The following SUGCT variants were observed in gnomAD, a reference collection of about 807,000 sequenced individuals.
SUGCT encodes succinyl-CoA:glutarate CoA-transferase.
In SUGCT, 41 loss-of-function variants were observed where a neutral mutation model predicts 55.0. The observed-to-expected ratio is 0.74, with a 90% CI of 0.58 to 0.97. The LOEUF is 0.97. SUGCT is among the 50% of genes least tolerant of loss of function. SUGCT has a pLI of 0.00. For synonymous variants in SUGCT, 187 were observed against 200.4 expected (o/e 0.93, Z 0.56); for missense variants, 568 against 547.8 (o/e 1.04, Z -0.37).
chr7:40,439,782 C>T (rs569862125), intron 9 of SUGCT, among the ~76,000 whole-genome samples: 17 of 152,312 alleles, frequency 1.1e-4, no homozygotes, highest in African/African-American at 3.6e-4. Context: ...GCTTTCAGTC[C>T]GTGCTCATCC....
intron 11 of SUGCT, among the ~76,000 whole-genome samples, chr7:40,472,816 G>A (rs1483118293): frequency 2.6e-5 from 4 of 152,082 alleles, no homozygotes; most frequent in Admixed American, 6.6e-5. Context: ...TTATGGAAAT[G>A]CCTTCTGTTA....
chr7:40,216,408 G>A (rs1333565150), intron 6 of SUGCT, among the ~76,000 whole-genome samples: 1 of 149,980 alleles, frequency 6.7e-6, no homozygotes, highest in Non-Finnish European at 1.5e-5. Flanking sequence ...GCTGAGGTGG[G>A]AGAATCCCTT....
chr7:40,578,562 C>T (rs934871149), intron 12 of SUGCT, among the ~76,000 whole-genome samples: 1 of 152,110 alleles, frequency 6.6e-6, no homozygotes, highest in Non-Finnish European at 1.5e-5. Context: ...CATTTTTCCT[C>T]TTCAGTGGTT....
chr7:40,162,745 T>A (rs1784239855), intron 1 of SUGCT, among the ~76,000 whole-genome samples: 1 of 152,216 alleles, frequency 6.6e-6, no homozygotes, highest in Non-Finnish European at 1.5e-5. Flanking sequence ...ACCTTGGCCT[T>A]CCAAATGTTG....
intron 1 of SUGCT, among the ~76,000 whole-genome samples, chr7:40,161,452 T>A (rs1012102377): frequency 6.6e-6 from 1 of 151,900 alleles, no homozygotes; most frequent in African/African-American, 2.4e-5. Flanking sequence ...CCCATGCATA[T>A]TTTTTTTGCT....
In SUGCT at chr7:40,659,276, G is replaced by A. The variant is rs183467665; in HGVS notation, c.1090-90158G>A. 1.3e-3 allele frequency among the ~76,000 whole-genome samples: 204 copies of A among 152,302 alleles called. 7 individuals are homozygous for A. The East Asian group carries it at 0.033, about 25-fold the overall frequency. ...GTTTCTCATGAGGTCACAGTTAGATGTCATGTGGAGGTGTAGTCATCTGAA... is the reference window on the plus strand; with the variant it reads ...GTTTCTCATGAGGTCACAGTTAGATATCATGTGGAGGTGTAGTCATCTGAA... On this transcript the variant is annotated intron_variant, in intron 12 of 13. Coordinates refer to ENST00000335693, the MANE Select transcript of SUGCT (RefSeq NM_001193313.2).
At chr7:40,492,264 GT>G (rs1369087828) in intron 11 of SUGCT, among the ~76,000 whole-genome samples, 1 of 152,090 alleles carries the variant, frequency 6.6e-6, no homozygotes, top group Non-Finnish European at 1.5e-5. Flanking sequence ...GGTTAGGAAT[GT>G]CTAGAAAACA....
At chr7:40,518,615 A>C (rs1793372481) in intron 12 of SUGCT, among the ~76,000 whole-genome samples, 1 of 152,118 alleles carries the variant, frequency 6.6e-6, no homozygotes, top group South Asian at 2.1e-4. Flanking sequence ...GTTGTATCCC[A>C]GATGTCAGGA....
At chr7:40,342,138 C>T (rs1461148921) in intron 9 of SUGCT, among the ~76,000 whole-genome samples, 1 of 152,168 alleles carries the variant, frequency 6.6e-6, no homozygotes, top group Non-Finnish European at 1.5e-5. Flanking sequence ...AAGTCTATGG[C>T]AGATACTGAT....
chr7:40,322,610 C>T (rs185251441), intron 9 of SUGCT, among the ~76,000 whole-genome samples: 1 of 152,240 alleles, frequency 6.6e-6, no homozygotes, highest in Non-Finnish European at 1.5e-5. Context: ...GCCCTCATGA[C>T]AGGGTAAATT....
chr7:40,448,950 G>GTATATA (rs1244847873), intron 9 of SUGCT, among the ~76,000 whole-genome samples: 147 of 141,974 alleles, frequency 1.0e-3, no homozygotes, highest in Middle Eastern at 3.6e-3. Context: ...GTGTGTGTGT[G>GTATATA]TATATATATA....
At chr7:41,015,814 C>A in the SUGCT span, among the ~76,000 whole-genome samples, 10 of 152,184 alleles carry the variant, frequency 6.6e-5, no homozygotes, top group Non-Finnish European at 1.5e-4. Context: ...AGACCATTAA[C>A]ATATATCCCC....
intron 13 of SUGCT, among the ~76,000 whole-genome samples, chr7:40,773,749 G>C (rs756413342): frequency 7.9e-5 from 12 of 152,170 alleles, no homozygotes; most frequent in Admixed American, 7.9e-4. Flanking sequence ...TTGAAAATTA[G>C]TGTGGAAAAT....
intron 13 of SUGCT, among the ~76,000 whole-genome samples, chr7:40,833,090 A>C (rs1416188380): frequency 6.6e-6 from 1 of 151,514 alleles, no homozygotes; most frequent in Non-Finnish European, 1.5e-5. Flanking sequence ...TTTTTTCAGC[A>C]GTCCATTTTT....
chr7:40,996,951 A>C, the SUGCT span, among the ~76,000 whole-genome samples: 2 of 152,228 alleles, frequency 1.3e-5, no homozygotes, highest in Non-Finnish European at 2.9e-5. Context: ...CAATGGGATG[A>C]GTAAAACCCC....
intron 9 of SUGCT, among the ~76,000 whole-genome samples, chr7:40,333,769 T>A (rs1399112054): frequency 8.3e-5 from 12 of 145,390 alleles, no homozygotes; most frequent in Non-Finnish European, 1.4e-4. Flanking sequence ...TCTTTTTTTT[T>A]AAATTTAAGT....
intron 6 of SUGCT, among the ~76,000 whole-genome samples, chr7:40,214,092 A>G (rs776737956): frequency 6.6e-5 from 10 of 152,304 alleles, no homozygotes; most frequent in African/African-American, 2.4e-4. Context: ...TTTGAACCAC[A>G]CTATTATCAA....
chr7:40,403,501 G>A (rs1217273922), intron 9 of SUGCT, among the ~76,000 whole-genome samples: 1 of 152,118 alleles, frequency 6.6e-6, no homozygotes, highest in Non-Finnish European at 1.5e-5. Flanking sequence ...TTTGTAAAAC[G>A]GGAATAACGG....
intron 13 of SUGCT, among the ~76,000 whole-genome samples, chr7:40,767,510 C>T (rs1044716332): frequency 6.6e-6 from 1 of 152,062 alleles, no homozygotes; most frequent in Admixed American, 6.6e-5. Context: ...TGGAGCAGCC[C>T]ATGGATGTGA....
Sources: allele counts gnomAD v4.1 joint callset (sites outside exome capture counted in the v4.1 genomes callset), GRCh38; gene constraint gnomAD v4.1.1; transcripts MANE v1.5; gene names NCBI Gene and HGNC (gene_info 2026-07-23, HGNC 2026-07-21).